The following ADAMTS20 variants were observed in gnomAD, a reference collection of about 807,000 sequenced individuals.
ADAMTS20 encodes the protein ADAM metallopeptidase with thrombospondin type 1 motif 20.
In ADAMTS20, 225 loss-of-function variants were observed where a neutral mutation model predicts 260.1. That is an observed-to-expected ratio of 0.87 (90% CI 0.78 to 0.97). ADAMTS20 has a LOEUF of 0.97. Among genes scored for constraint, ADAMTS20 ranks in the 50% least tolerant of loss-of-function variants. The pLI is 0.00. For synonymous variants in ADAMTS20, 802 were observed against 769.5 expected, an observed-to-expected ratio of 1.04 and a Z score of -0.70; for missense variants, 2,400 against 2,337.7, an observed-to-expected ratio of 1.03 and a Z score of -0.55.
At position 43,429,684 on chromosome 12, in the gene ADAMTS20, T is replaced by C; in HGVS notation, c.3422A>G (p.Glu1141Gly). ...GAGAACAGTTGGTAATAAAGCGGTC[T>C]CAAGTTTAGAAATAAATGAGCAAGG... is the stretch of plus-strand genomic sequence containing the variant. ...LTPCSFISKLETALLPTVLIK... is the reference protein window; with the variant it reads ...LTPCSFISKLGTALLPTVLIK... The change falls in exon 24 of 39, where the codon GAG becomes GGG. Residue 1141 changes from glutamate (E) to glycine (G), a missense_variant. Coordinates refer to ENST00000389420, the MANE Select transcript of ADAMTS20 (RefSeq NM_025003.5). 1 of 1,596,344 alleles carries C rather than the reference T, an allele frequency of 6.3e-7. No individual in the cohort carries two copies. The highest frequency in any genetic ancestry group is 8.5e-7 in the Non-Finnish European group (1 of 1,170,192).
rs537913727 is a variant in ADAMTS20 at position 43,541,233 on chromosome 12, CA to C, written c.454-9039del. ...CAATCATAAATCATATCATAAGAAT[CA>C]GTATGATGATATATAAGAAGAAAGC... On this transcript the variant is annotated intron_variant, in intron 2 of 38. Coordinates refer to ENST00000389420, the MANE Select transcript of ADAMTS20 (RefSeq NM_025003.5). Among the ~76,000 whole-genome samples the C allele has an allele frequency of 1.0e-3, 156 of 152,210 alleles. 2 individuals carry two copies. Among genetic ancestry groups the C allele is most frequent in the African/African-American group, 3.6e-3 (150 of 41,548 alleles).
At chr12:43,431,092 C>A (rs886770805) in intron 22 of ADAMTS20, among the ~76,000 whole-genome samples, 13 of 152,166 alleles carry the variant, frequency 8.5e-5, no homozygotes, top group African/African-American at 3.1e-4. Context: ...AGCATAAAGT[C>A]TGTAGCATTT....
chr12:43,530,701 C>T (rs1403593484), intron 3 of ADAMTS20, among the ~76,000 whole-genome samples: 2 of 152,040 alleles, frequency 1.3e-5, no homozygotes, highest in African/African-American at 2.4e-5. Context: ...TCCATCATAT[C>T]GTTGCATGTC....
Position 43,376,096 on chromosome 12 carries a change from A to G in ADAMTS20, c.5273T>C (p.Val1758Ala), listed in dbSNP as rs1472840564. 6.2e-7 allele frequency: 1 copy of G among 1,610,940 alleles called. No homozygotes were observed. The highest frequency in any genetic ancestry group is 1.3e-5 in the African/African-American group (1 of 74,888). The part of the protein sequence containing the change: ...LENPKEYLTL[V>A]QGEENFSEVY... ...TTCAGAAAAGTTTTCTTCACCTTGGACCAGTGTTAAATATTCCTTAGGGTT... is the reference window on the plus strand; with the variant it reads ...TTCAGAAAAGTTTTCTTCACCTTGGGCCAGTGTTAAATATTCCTTAGGGTT... The change falls in exon 35 of 39, where the codon GTC (valine) becomes GCC (alanine). Residue 1758 changes from valine (V) to alanine (A), a missense_variant. Coordinates refer to ENST00000389420, the MANE Select transcript of ADAMTS20 (RefSeq NM_025003.5).
At chr12:43,537,264 A>G (rs556165820) in intron 2 of ADAMTS20, among the ~76,000 whole-genome samples, 23 of 151,916 alleles carry the variant, frequency 1.5e-4, no homozygotes, top group South Asian at 6.2e-4. Flanking sequence ...TATGTTGCCC[A>G]GGCTGGTCCC....
intron 3 of ADAMTS20, among the ~76,000 whole-genome samples, chr12:43,520,905 T>G (rs953656083): frequency 2.0e-5 from 3 of 152,150 alleles, no homozygotes; most frequent in Non-Finnish European, 4.4e-5. Flanking sequence ...TTTCTTTTTG[T>G]TTTTTTCCAC....
intron 28 of ADAMTS20, among the ~76,000 whole-genome samples, chr12:43,414,392 T>TGGATGA (rs1307510077): frequency 6.6e-6 from 1 of 152,136 alleles, no homozygotes; most frequent in Non-Finnish European, 1.5e-5. Flanking sequence ...CAGTAGCTAT[T>TGGATGA]CCTGGGATTG....
chr12:43,523,492 G>A (rs1943099622), intron 3 of ADAMTS20, among the ~76,000 whole-genome samples: 1 of 152,160 alleles, frequency 6.6e-6, no homozygotes, highest in Admixed American at 6.5e-5. Context: ...GAGTGCAGGA[G>A]TTGGGTACCC....
At chr12:43,443,721 C>A in intron 16 of ADAMTS20, 70 bp downstream of exon 16, 2 of 1,256,318 alleles carry the variant, frequency 1.6e-6, no homozygotes, top group Admixed American at 1.8e-5. Context: ...CAAGAATTCA[C>A]ATCAACTACA....
At chr12:43,356,383 C>T (rs577999436) in intron 38 of ADAMTS20, 101 bp downstream of exon 38, 2 of 679,406 alleles carry the variant, frequency 2.9e-6, no homozygotes, top group Admixed American at 2.7e-5. Context: ...TCTCTTTAGT[C>T]ATCAATTTCA....
chr12:43,446,234 G>A (rs1941757665), intron 15 of ADAMTS20, among the ~76,000 whole-genome samples: 1 of 152,050 alleles, frequency 6.6e-6, no homozygotes, highest in Non-Finnish European at 1.5e-5. Context: ...CAAGTTTCCT[G>A]GGAAAAATCA....
rs535497363 is a variant in ADAMTS20 at position 43,377,938 on chromosome 12, T to A, written c.4798-376A>T. On this transcript the variant is annotated intron_variant, in intron 31 of 38. Transcript: ENST00000389420. ...ATAAAGGGCATCTATTAGCCTTAGA[T>A]CACTGGTAACTATGTATAAGTTAGC... Among the ~76,000 whole-genome samples the A allele has an allele frequency of 6.6e-5, 10 of 152,288 alleles. No homozygotes were observed. In the South Asian group the frequency reaches 2.1e-3, roughly 32 times the overall value.
rs928070538 is a variant in ADAMTS20 at position 43,409,458 on chromosome 12, C to T, written c.4285-10225G>A. Reference sequence around the variant, plus strand: ...TCTACTAAAAATACAAAAAATTAGCCGGGCGTAGTGGCGGGCGCCTGTAGT... The same window carrying T: ...TCTACTAAAAATACAAAAAATTAGCTGGGCGTAGTGGCGGGCGCCTGTAGT... On this transcript the variant is annotated intron_variant, in intron 28 of 38. Transcript: ENST00000389420. Among the ~76,000 whole-genome samples, 10 of 150,390 alleles carry T rather than the reference C, an allele frequency of 6.6e-5. No homozygotes were observed. The East Asian group carries it at 1.2e-3, about 18-fold the overall frequency.
chr12:43,356,816 C>T (rs889225874), intron 37 of ADAMTS20, among the ~76,000 whole-genome samples: 2 of 152,174 alleles, frequency 1.3e-5, no homozygotes, highest in African/African-American at 4.8e-5. Context: ...CCAACATTTG[C>T]TGCACTTTAA....
At chr12:43,380,662 A>G (rs1301981441) in intron 31 of ADAMTS20, among the ~76,000 whole-genome samples, 1 of 152,198 alleles carries the variant, frequency 6.6e-6, no homozygotes, top group Non-Finnish European at 1.5e-5. Context: ...TTCCATTTAC[A>G]GAATATAAAA....
At chr12:43,519,714 C>G (rs1943045985) in intron 3 of ADAMTS20, among the ~76,000 whole-genome samples, 1 of 152,160 alleles carries the variant, frequency 6.6e-6, no homozygotes, top group Admixed American at 6.6e-5. Flanking sequence ...TTTATTCACT[C>G]TATGCTATAT....
chr12:43,397,257 G>C (rs931625501), intron 29 of ADAMTS20, among the ~76,000 whole-genome samples: 15 of 152,180 alleles, frequency 9.9e-5, no homozygotes, highest in African/African-American at 3.6e-4. Flanking sequence ...GAGGAAAAGA[G>C]ATACTGGTCT....
chr12:43,466,846 AT>A, intron 8 of ADAMTS20, 51 bp from the exon 9 acceptor site: 1 of 1,331,838 alleles, frequency 7.5e-7, no homozygotes. Flanking sequence ...TGCTTACGAT[AT>A]TAGTAATAGA....
chr12:43,468,629 A>C lies in ADAMTS20; in HGVS notation c.1194T>G (p.Ala398=), dbSNP rs759293015. ...FINEEKGLIS[A]FTIAHELGHT... Reference sequence around the variant, plus strand: ...GCCCAAGCTCATGGGCTATAGTAAAAGCAGAAATGAGTCCTTTTTCTTCAT... The same window carrying C: ...GCCCAAGCTCATGGGCTATAGTAAACGCAGAAATGAGTCCTTTTTCTTCAT... The change falls in exon 8 of 39, where the codon GCT becomes GCG. Residue 398 remains alanine, a synonymous_variant. Coordinates refer to ENST00000389420, the MANE Select transcript of ADAMTS20 (RefSeq NM_025003.5). 74 of 1,610,674 alleles carry C rather than the reference A, an allele frequency of 4.6e-5. 1 individual carries two copies. The Middle Eastern group carries it at 6.6e-4, about 14-fold the overall frequency.
Sources: allele counts gnomAD v4.1 joint callset (sites outside exome capture counted in the v4.1 genomes callset), GRCh38; gene constraint gnomAD v4.1.1; transcripts MANE v1.5; gene names NCBI Gene and HGNC (gene_info 2026-07-23, HGNC 2026-07-21).